The following QRICH2 variants were observed in gnomAD, a reference collection of about 807,000 sequenced individuals.
QRICH2 encodes the protein glutamine rich 2.
A neutral mutation model predicts 168.3 loss-of-function variants in QRICH2; 119 were observed. That is an observed-to-expected ratio of 0.71 (90% CI 0.61 to 0.82). The LOEUF is 0.82. Ranked by LOEUF, QRICH2 falls within the 40% of genes least tolerant of loss-of-function variation. QRICH2 has a pLI of 0.00. For synonymous variants in QRICH2, 894 were observed against 951.2 expected (o/e 0.94, Z 1.11); for missense variants, 2,241 against 2,491.6 (o/e 0.90, Z 2.14).
rs34987002 is a variant in QRICH2 at position 76,277,203 on chromosome 17, C to CG, written c.5224dup (p.Arg1742ProfsTer7). On this transcript the variant is annotated frameshift_variant, in exon 16 of 19. Transcript: ENST00000680821. LOFTEE classifies it high-confidence loss of function. Reference sequence around the variant, plus strand: ...GATCTCTTCAGTAGGATACAGGCCCCGGGGAAGGTGCTGCGGGCGGCTGCG... The same window carrying CG: ...GATCTCTTCAGTAGGATACAGGCCCCGGGGGAAGGTGCTGCGGGCGGCTGCG... 9 of 1,602,794 alleles carry CG rather than the reference C, an allele frequency of 5.6e-6. No individual in the cohort carries two copies. The highest frequency in any genetic ancestry group is 7.6e-6 in the Non-Finnish European group (9 of 1,176,850).
Position 76,277,979 on chromosome 17 carries a change from T to C in QRICH2, c.5117+10A>G. ...GCCTGCTCCCATGGCCTCGCCCGCC[T>C]CTCCTGTACCGTTTGTAGCAGGGGG... On this transcript the variant is annotated intron_variant, in intron 15 of 18. Transcript: ENST00000680821. 6.2e-7 allele frequency: 1 copy of C among 1,608,226 alleles called. No homozygotes were observed.
rs1173613720 is a variant in QRICH2 at position 76,304,483 on chromosome 17, C to T, written c.637G>A (p.Glu213Lys). 2 of 1,613,800 alleles carry T rather than the reference C, an allele frequency of 1.2e-6. No homozygotes were observed. Residue 213 changes from glutamate (E) to lysine (K), a missense_variant, in exon 3 of 19, where the codon GAA becomes AAA. Physicochemically the swap from Glu to Lys is moderately conservative, Grantham distance 56. Coordinates refer to ENST00000680821, the MANE Select transcript of QRICH2 (RefSeq NM_001388453.1). ...TCTTCCCAGGTGACCATGGTGACTT[C>T]TTCTGCACCAGGAACCAAACTCAGC... is the stretch of plus-strand genomic sequence containing the variant. ...RKLSLVPGAE[E>K]VTMVTWEELE...
At chr17:76,289,664 A>G (rs115273967) in intron 5 of QRICH2, among the ~76,000 whole-genome samples, 5,069 of 148,252 alleles carry the variant, frequency 0.034, 305 homozygotes, top group African/African-American at 0.12. Flanking sequence ...GGGGCTGGGC[A>G]CGGTGGCTCA....
rs780530759 is a variant in QRICH2, at chr17:76,291,639, C to T, written c.3088G>A (p.Gly1030Ser). 5.6e-6 allele frequency: 9 copies of T among 1,614,152 alleles called. No individual in the cohort carries two copies. The highest frequency in any genetic ancestry group is 1.1e-5 in the South Asian group (1 of 91,088). Residue 1030 changes from glycine (G) to serine (S), a missense_variant, in exon 4 of 19, where the codon GGT becomes AGT. Coordinates refer to ENST00000680821, the MANE Select transcript of QRICH2 (RefSeq NM_001388453.1). ...GQVSPLLASQ[G>S]LASPGIDRRS... ...CGATCTATACCAGGTGATGCCAAAC[C>T]TTGACTGGCTAGGAGTGGTGACACC...
intron 3 of QRICH2, among the ~76,000 whole-genome samples, chr17:76,294,738 G>A (rs951593876): frequency 2.5e-4 from 37 of 150,944 alleles, no homozygotes; most frequent in Middle Eastern, 3.4e-3. Context: ...GCTTGAACCC[G>A]GGAGGTGGAG....
intron 3 of QRICH2, among the ~76,000 whole-genome samples, chr17:76,298,323 C>T (rs752176341): frequency 3.3e-5 from 5 of 151,320 alleles, no homozygotes; most frequent in African/African-American, 4.9e-5. Context: ...GGACTACAGG[C>T]GCCCACCACC....
chr17:76,289,999 T>C lies in QRICH2; in HGVS notation c.3791A>G (p.Lys1264Arg). The C allele has an allele frequency of 6.2e-7, 1 of 1,608,912 alleles. No individual in the cohort carries two copies. The highest frequency in any genetic ancestry group is 8.5e-7 in the Non-Finnish European group (1 of 1,176,484). ...GGGTTGACTCTTCCTTACTTTTGCT[T>C]TCTCCTGCCAAACTTCTTTGGCTAG... is the stretch of plus-strand genomic sequence containing the variant. ...KTLAKEVWQE[K>R]AKVERLQRIL... Residue 1264 changes from lysine (K) to arginine (R), a missense_variant, in exon 5 of 19, where the codon AAA becomes AGA. Coordinates refer to ENST00000680821, the MANE Select transcript of QRICH2 (RefSeq NM_001388453.1).
In QRICH2 at chr17:76,304,408, G is replaced by A. The variant is rs369738269; in HGVS notation, c.705+7C>T. ...CAAGACCACGGCCCAGGCCCCCACTGGTTCACCGCTTGTGAGGCTCTCCAG... is the reference window on the plus strand; with the variant it reads ...CAAGACCACGGCCCAGGCCCCCACTAGTTCACCGCTTGTGAGGCTCTCCAG... On this transcript the variant is annotated splice_region_variant and intron_variant, in intron 3 of 18. Coordinates refer to ENST00000680821, the MANE Select transcript of QRICH2 (RefSeq NM_001388453.1). 7 of 1,602,368 alleles carry A rather than the reference G, an allele frequency of 4.4e-6. No homozygotes were observed. The Admixed American group carries it at 6.7e-5, about 15-fold the overall frequency.
rs933427361 is a variant in QRICH2 at position 76,307,854 on chromosome 17, C to T, written c.145G>A (p.Asp49Asn). 6 of 1,275,040 alleles carry T rather than the reference C, an allele frequency of 4.7e-6. No homozygotes were observed. The African/African-American group carries it at 6.2e-5, about 13-fold the overall frequency. The allele number at this position is 1,275,040 out of a possible 1,614,324, so 79.0% of individuals were successfully genotyped here. A position where few individuals can be genotyped will look rare whatever the true frequency, so the allele number is the denominator to read the frequency against. The change falls in exon 1 of 19, where the codon GAC becomes AAC. Residue 49 changes from aspartate (D) to asparagine (N), a missense_variant. By Grantham distance (23) the Asp-to-Asn change is conservative. Transcript: ENST00000680821. This position sits in a 1 kb window ranked among gnomAD's most constrained non-coding sequence, Gnocchi z 5.3. Reference sequence around the variant, plus strand: ...GGCTCGGGCGACGAGGGCTGGAAGTCGATCCGGGTATTTTGGAGGTCGAGG... The same window carrying T: ...GGCTCGGGCGACGAGGGCTGGAAGTTGATCCGGGTATTTTGGAGGTCGAGG... ...KNLDLQNTRI[D>N]FQPSSPEPSR...
Position 76,291,748 on chromosome 17 carries a change from T to C in QRICH2, c.2979A>G (p.Thr993=). The change falls in exon 4 of 19, where the codon ACA becomes ACG. Residue 993 remains threonine (T), a synonymous_variant. Coordinates refer to ENST00000680821, the MANE Select transcript of QRICH2 (RefSeq NM_001388453.1). ...TAAAACCTGTAGAATCTGCCTGGAA[T>C]GTTGAAGAGCCACGAAGCTTTGTGC... is the stretch of plus-strand genomic sequence containing the variant. ...APGTKLRGSS[T]FQADSTGFIS... is the part of the protein sequence containing the mutation. The C allele has an allele frequency of 6.2e-7, 1 of 1,614,172 alleles. No homozygotes were observed. Among genetic ancestry groups the C allele is most frequent in the Non-Finnish European group, 8.5e-7 (1 of 1,180,032 alleles).
Position 76,308,012 on chromosome 17 carries a change from A to T in QRICH2, c.-14T>A, listed in dbSNP as rs910668188. 4 of 1,232,334 alleles carry T rather than the reference A, an allele frequency of 3.2e-6. No homozygotes were observed. The African/African-American group carries it at 6.2e-5, about 19-fold the overall frequency. The allele number at this position is 1,232,334 out of a possible 1,614,324, so 76.3% of individuals were successfully genotyped here. A position where few individuals can be genotyped will look rare whatever the true frequency, so the allele number is the denominator to read the frequency against. Reference sequence around the variant, plus strand: ...CGCGGGCGGCATCGTGGCTGTCAGGAGCTGTGCGCCGCCGCGGGGCGCCGG... The same window carrying T: ...CGCGGGCGGCATCGTGGCTGTCAGGTGCTGTGCGCCGCCGCGGGGCGCCGG... On this transcript the variant is annotated 5_prime_UTR_variant, in exon 1 of 19. Coordinates refer to ENST00000680821, the MANE Select transcript of QRICH2 (RefSeq NM_001388453.1).
Position 76,287,813 on chromosome 17 carries a change from G to A in QRICH2, c.3883C>T (p.Leu1295=), listed in dbSNP as rs1474445481. ...GGGGCATTTTACCTGAGGACACCCAGCTGCAATCTCAGCTCTCCAGCTTTC... is the reference window on the plus strand; with the variant it reads ...GGGGCATTTTACCTGAGGACACCCAACTGCAATCTCAGCTCTCCAGCTTTC... ...ELKAGELRLQ[L]GVLRVTVADI... is the part of the protein sequence containing the mutation. The change falls in exon 6 of 19, where the codon CTG becomes TTG. Residue 1295 remains leucine, a synonymous_variant. Coordinates refer to ENST00000680821, the MANE Select transcript of QRICH2 (RefSeq NM_001388453.1). 2 of 1,613,450 alleles carry A rather than the reference G, an allele frequency of 1.2e-6. No individual in the cohort carries two copies. The highest frequency in any genetic ancestry group is 1.3e-5 in the African/African-American group (1 of 74,910).
intron 2 of QRICH2, 82 bp downstream of exon 2, chr17:76,304,800 G>A (rs2070963430): frequency 2.9e-6 from 3 of 1,027,684 alleles, no homozygotes; most frequent in Non-Finnish European, 4.6e-6. Context: ...TGCCCTGGAT[G>A]GACAAGCCCT....
intron 7 of QRICH2, 134 bp from the exon 8 acceptor site, chr17:76,282,249 TC>T: frequency 9.4e-7 from 1 of 1,060,672 alleles, no homozygotes; most frequent in Non-Finnish European, 1.3e-6. Flanking sequence ...CCTCAGTGCC[TC>T]CCAGAGCATG....
rs751109032 is a variant in QRICH2, at chr17:76,278,199, G to A, written c.4917-10C>T. 5.0e-6 allele frequency: 8 copies of A among 1,602,806 alleles called. No individual in the cohort carries two copies. In the East Asian group the frequency reaches 1.3e-4, roughly 27 times the overall value. On this transcript the variant is annotated splice_polypyrimidine_tract_variant and intron_variant, in intron 14 of 18. Coordinates refer to ENST00000680821, the MANE Select transcript of QRICH2 (RefSeq NM_001388453.1). ...GCTGCCCAGCTTGAGGCTGCAGGGT[G>A]TGAGCAGAACAGAGGGAGGGTTGGC...
chr17:76,277,062 G>T (rs565329280), intron 16 of QRICH2, 101 bp downstream of exon 16: 21 of 1,285,252 alleles, frequency 1.6e-5, no homozygotes, highest in Non-Finnish European at 2.2e-5. Context: ...TTGCCTCAAG[G>T]CAGAGGGCTG....
chr17:76,293,503 G>A lies in QRICH2; in HGVS notation c.1224C>T (p.Tyr408=), dbSNP rs371630864. 34 of 1,614,090 alleles carry A rather than the reference G, an allele frequency of 2.1e-5. No individual in the cohort carries two copies. The highest frequency in any genetic ancestry group is 2.2e-5 in the East Asian group (1 of 44,896). The change falls in exon 4 of 19, where the codon TAC becomes TAT. Residue 408 remains tyrosine, a synonymous_variant. Coordinates refer to ENST00000680821, the MANE Select transcript of QRICH2 (RefSeq NM_001388453.1). ...TGCTGAGGGGTACCACACCATGTGG[G>A]TAAGTGCTAGCAGGCACTAATCCAG... is the stretch of plus-strand genomic sequence containing the variant. ...NQPGLVPAST[Y]PHGVVPLSMG...
intron 7 of QRICH2, among the ~76,000 whole-genome samples, chr17:76,286,629 T>G (rs1451974944): frequency 6.6e-6 from 1 of 152,072 alleles, no homozygotes; most frequent in East Asian, 1.9e-4. Flanking sequence ...AAAGGGTGAA[T>G]TCATTGATAT....
chr17:76,293,488 T>TAC lies in QRICH2; in HGVS notation c.1237_1238dup (p.Pro414TyrfsTer20). On this transcript the variant is annotated frameshift_variant, in exon 4 of 19. Transcript: ENST00000680821. LOFTEE classifies it high-confidence loss of function. ...CACCAAGCTGACCCATGCTGAGGGG[T>TAC]ACCACACCATGTGGGTAAGTGCTAG... 6.2e-7 allele frequency: 1 copy of TAC among 1,614,146 alleles called. No homozygotes were observed. Among genetic ancestry groups the TAC allele is most frequent in the Non-Finnish European group, 8.5e-7 (1 of 1,180,026 alleles).
Sources: allele counts gnomAD v4.1 joint callset (sites outside exome capture counted in the v4.1 genomes callset), GRCh38; gene constraint gnomAD v4.1.1; non-coding constraint Gnocchi (gnomAD v3.1); transcripts MANE v1.5; gene names NCBI Gene and HGNC (gene_info 2026-07-23, HGNC 2026-07-21).